CC2D2B: variants seen among roughly 807,000 people sequenced by gnomAD.
CC2D2B encodes protein CC2D2B.
A neutral mutation model predicts 161.2 loss-of-function variants in CC2D2B; 128 were observed. The observed-to-expected ratio is 0.79, with a 90% CI of 0.69 to 0.92. The LOEUF (loss-of-function observed/expected upper bound fraction) is 0.92, where lower values mean the gene tolerates loss of function less well. Ranked by LOEUF, CC2D2B falls within the 40% of genes least tolerant of loss-of-function variation. The pLI is 0.00. For synonymous variants in CC2D2B, 391 were observed against 449.8 expected (o/e 0.87, Z 1.65); for missense variants, 1,173 against 1,375.1 (o/e 0.85, Z 2.32).
chr10:95,931,913 G>T (rs916854555), intron 6 of CC2D2B, among the ~76,000 whole-genome samples: 2 of 152,180 alleles, frequency 1.3e-5, no homozygotes, highest in Non-Finnish European at 2.9e-5. Context: ...CCAGAGCTGA[G>T]TTCAAGTCCT....
In CC2D2B at chr10:95,981,349, C is replaced by T. The variant is rs184079245; in HGVS notation, c.1944-626C>T. ...CAGAGGTTGCAGTGAGCCGGGATCG[C>T]GCCACCGCACTCCAGCCTGGCAACT... On this transcript the variant is annotated intron_variant, in intron 17 of 34. Coordinates refer to ENST00000646931, the MANE Select transcript of CC2D2B (RefSeq NM_001349008.3). 4.7e-5 allele frequency among the ~76,000 whole-genome samples: 7 copies of T among 148,370 alleles called. 1 individual carries two copies. Among genetic ancestry groups the T allele is most frequent in the East Asian group, 4.1e-4 (2 of 4,912 alleles).
chr10:96,032,214 G>C lies in CC2D2B; in HGVS notation c.*206G>C, dbSNP rs1010965955. 2 of 516,640 alleles carry C rather than the reference G, an allele frequency of 3.9e-6. No individual in the cohort carries two copies. Among genetic ancestry groups the C allele is most frequent in the South Asian group, 6.4e-5 (2 of 31,206 alleles). The allele number at this position is 516,640 out of a possible 1,614,324, so 32.0% of individuals were successfully genotyped here. A position where few individuals can be genotyped will look rare whatever the true frequency, so the allele number is the denominator to read the frequency against. On this transcript the variant is annotated 3_prime_UTR_variant, in exon 35 of 35. Transcript: ENST00000646931. ...AGGAGTCTAGATGAGCTTCTCACCA[G>C]AGACCTCTCCAGGAAGGACCTTTGG...
rs2076709028 is a variant in CC2D2B at position 95,960,070 on chromosome 10, A to C, written c.1110-1759A>C. Among the ~76,000 whole-genome samples the C allele has an allele frequency of 2.0e-5, 3 of 152,242 alleles. No individual in the cohort carries two copies. In the South Asian group the frequency reaches 6.2e-4, roughly 32 times the overall value. Reference sequence around the variant, plus strand: ...GTACTTCATTCAAATAGGTGTCAGGAGGTTGAAGAAAAATTGAGCATGTGA... The same window carrying C: ...GTACTTCATTCAAATAGGTGTCAGGCGGTTGAAGAAAAATTGAGCATGTGA... On this transcript the variant is annotated intron_variant, in intron 11 of 34. Coordinates refer to ENST00000646931, the MANE Select transcript of CC2D2B (RefSeq NM_001349008.3).
intron 24 of CC2D2B, 43 bp downstream of exon 24, chr10:95,996,295 A>G: frequency 1.2e-6 from 1 of 844,236 alleles, no homozygotes; most frequent in South Asian, 1.7e-5. Context: ...AAAAAAGAGC[A>G]ATAATAAAAT....
Position 95,939,815 on chromosome 10 carries a change from AT to A in CC2D2B, c.801+897del, listed in dbSNP as rs200589772. Among the ~76,000 whole-genome samples the A allele has an allele frequency of 2.3e-4, 35 of 151,780 alleles. 1 individual carries two copies. In the East Asian group the frequency reaches 6.4e-3, roughly 28 times the overall value. On this transcript the variant is annotated intron_variant, in intron 9 of 34. Transcript: ENST00000646931. ...GAAAGCTTGGTTAAGACTTTTACCC[AT>A]TTTTTTCTTATTGGATTGTCTGCTT...
At chr10:95,985,692 C>T (rs928320512) in intron 19 of CC2D2B, among the ~76,000 whole-genome samples, 1 of 152,150 alleles carries the variant, frequency 6.6e-6, no homozygotes, top group Non-Finnish European at 1.5e-5. Flanking sequence ...GGGAGATAAC[C>T]ATTAGGTCTG....
intron 26 of CC2D2B, among the ~76,000 whole-genome samples, chr10:96,010,526 T>C (rs2078942575): frequency 6.6e-6 from 1 of 152,178 alleles, no homozygotes; most frequent in Non-Finnish European, 1.5e-5. Flanking sequence ...GTCTGTGGAA[T>C]AAAACTAACA....
chr10:95,992,670 T>C lies in CC2D2B; in HGVS notation c.2615T>C (p.Ile872Thr). Residue 872 changes from isoleucine to threonine, a missense_variant, in exon 22 of 35, where the codon ATT becomes ACT. By Grantham distance (89) the Ile-to-Thr change is moderately conservative. This residue lies in a region of CC2D2B where 598 missense variants were observed against 693.2 expected (regional missense o/e 0.86). Transcript: ENST00000646931. ...ILVRIVRAYN[I>T]PTRKTTINGS... Reference sequence around the variant, plus strand: ...GTCCGAATAGTGAGGGCCTATAATATTCCTACCAGAAAAACAACAATTAAT... The same window carrying C: ...GTCCGAATAGTGAGGGCCTATAATACTCCTACCAGAAAAACAACAATTAAT... The C allele has an allele frequency of 8.1e-7, 1 of 1,234,244 alleles. No individual in the cohort carries two copies. Among genetic ancestry groups the C allele is most frequent in the Non-Finnish European group, 1.0e-6 (1 of 988,086 alleles). 76.5% of individuals were successfully genotyped at this position (1,234,244 alleles called of 1,614,324 possible). A position where few individuals can be genotyped will look rare whatever the true frequency, so the allele number is the denominator to read the frequency against.
rs1259461562 is a variant in CC2D2B at position 95,924,845 on chromosome 10, G to A, written c.240+1G>A. 18 of 1,539,792 alleles carry A rather than the reference G, an allele frequency of 1.2e-5. No individual in the cohort carries two copies. In the East Asian group the frequency reaches 3.2e-4, roughly 27 times the overall value. Reference sequence around the variant, plus strand: ...TAGCGAAATACATCAAAGGTCCAAGGTGAATAACTTTTCTCTTTTTTTACT... The same window carrying A: ...TAGCGAAATACATCAAAGGTCCAAGATGAATAACTTTTCTCTTTTTTTACT... On this transcript the variant is annotated splice_donor_variant, in intron 5 of 34. Coordinates refer to ENST00000646931, the MANE Select transcript of CC2D2B (RefSeq NM_001349008.3). LOFTEE classifies it high-confidence loss of function.
intron 18 of CC2D2B, 100 bp from the exon 19 acceptor site, chr10:95,983,506 A>G (rs2077609326): frequency 2.2e-6 from 1 of 455,080 alleles, no homozygotes; most frequent in African/African-American, 2.0e-5. Context: ...TTTCCTACTT[A>G]TATTGCCACT....
chr10:96,018,473 A>G (rs2141902741), intron 30 of CC2D2B, among the ~76,000 whole-genome samples: 1 of 152,286 alleles, frequency 6.6e-6, no homozygotes, highest in South Asian at 2.1e-4. Context: ...GTCTCCAAAT[A>G]TATTCTAACC....
intron 2 of CC2D2B, among the ~76,000 whole-genome samples, chr10:95,914,939 A>G (rs910731552): frequency 6.6e-6 from 1 of 151,932 alleles, no homozygotes; most frequent in African/African-American, 2.4e-5. Context: ...TACTTTTTCT[A>G]TTTTTGTGAA....
Position 95,990,871 on chromosome 10 carries a change from G to T in CC2D2B, c.2380-499G>T, listed in dbSNP as rs77506563. Among the ~76,000 whole-genome samples, 876 of 152,278 alleles carry T rather than the reference G, an allele frequency of 5.8e-3. 5 individuals are homozygous for T. The highest frequency in any genetic ancestry group is 0.014 in the Middle Eastern group (4 of 294). The stretch of plus-strand genomic sequence containing the variant: ...GTTCTCCAAGTAGGAAGAGGGAGAT[G>T]GCTTCCTTCAAGCACTGACTTTCTT... On this transcript the variant is annotated intron_variant, in intron 20 of 34. Coordinates refer to ENST00000646931, the MANE Select transcript of CC2D2B (RefSeq NM_001349008.3).
intron 24 of CC2D2B, among the ~76,000 whole-genome samples, chr10:95,996,733 T>A (rs1226608876): frequency 6.6e-6 from 1 of 152,248 alleles, no homozygotes; most frequent in African/African-American, 2.4e-5. Flanking sequence ...GTAATCTTGT[T>A]TCTTTAATTA....
intron 29 of CC2D2B, among the ~76,000 whole-genome samples, chr10:96,015,530 T>C (rs2079161514): frequency 6.6e-6 from 1 of 152,060 alleles, no homozygotes; most frequent in South Asian, 2.1e-4. Context: ...CTCTCTTTTT[T>C]TGACATTCTG....
intron 30 of CC2D2B, among the ~76,000 whole-genome samples, chr10:96,017,329 G>A (rs2079247390): frequency 6.6e-6 from 1 of 152,230 alleles, no homozygotes; most frequent in South Asian, 2.1e-4. Flanking sequence ...TCATTGCCAA[G>A]CTTGTTAACT....
At chr10:95,922,862 C>T (rs867300811) in intron 3 of CC2D2B, among the ~76,000 whole-genome samples, 4 of 151,742 alleles carry the variant, frequency 2.6e-5, no homozygotes, top group Admixed American at 1.3e-4. Flanking sequence ...TGAAGTAGTG[C>T]GATCATAGCT....
intron 24 of CC2D2B, chr10:96,000,360 A>ACAT: frequency 7.3e-6 from 2 of 272,332 alleles, no homozygotes; most frequent in South Asian, 1.5e-4. Flanking sequence ...AATAAATAAA[A>ACAT]TGTATTTATA....
chr10:96,031,777 C>T, intron 34 of CC2D2B, 43 bp from the exon 35 acceptor site: 3 of 1,486,070 alleles, frequency 2.0e-6, no homozygotes, highest in South Asian at 1.2e-5. Flanking sequence ...CCAGATTACC[C>T]AGTTGTAATG....
Sources: allele counts gnomAD v4.1 joint callset (sites outside exome capture counted in the v4.1 genomes callset), GRCh38; gene constraint gnomAD v4.1.1; regional missense constraint gnomAD v4.1.1; transcripts MANE v1.5; gene names NCBI Gene and HGNC (gene_info 2026-07-23, HGNC 2026-07-21).